KIRREL3: variants seen among roughly 807,000 people sequenced by gnomAD.
KIRREL3 encodes kin of IRRE-like protein 3.
Under a neutral mutation model 89.7 loss-of-function variants are expected in KIRREL3, and 36 were observed. The observed-to-expected ratio is 0.40, with a 90% CI of 0.31 to 0.53. The LOEUF is 0.53. KIRREL3 is among the 20% of genes least tolerant of loss of function. KIRREL3 has a pLI of 0.49. For missense variants in KIRREL3, 864 were observed against 1,056.6 expected (o/e 0.82, Z 2.53); for synonymous variants, 445 against 441.4 (o/e 1.01, Z -0.10).
In KIRREL3 at chr11:126,468,237, C is replaced by G. The variant is rs562666837; in HGVS notation, c.592-4930G>C. ...CTTTCCAGAAGAAAGAATGTGGTCTCCACTCTGGCGCCAGGCCCTCAGAAG... is the reference window on the plus strand; with the variant it reads ...CTTTCCAGAAGAAAGAATGTGGTCTGCACTCTGGCGCCAGGCCCTCAGAAG... On this transcript the variant is annotated intron_variant, in intron 5 of 16. Coordinates refer to ENST00000525144, the MANE Select transcript of KIRREL3 (RefSeq NM_032531.4). Among the ~76,000 whole-genome samples the G allele has an allele frequency of 4.2e-4, 64 of 152,348 alleles. No individual in the cohort carries two copies. The South Asian group carries it at 9.9e-3, about 24-fold the overall frequency.
In KIRREL3 at chr11:126,486,319, G is replaced by GA. The variant is rs1957358212; in HGVS notation, c.434-12854dup. The stretch of plus-strand genomic sequence containing the variant: ...GGGGAGTGCATCAAACTGGAGAGAG[G>GA]AAGGGGTGAGTAGGGCTGGGGCAGG... On this transcript the variant is annotated intron_variant, in intron 4 of 16. Coordinates refer to ENST00000525144, the MANE Select transcript of KIRREL3 (RefSeq NM_032531.4). The surrounding 1 kb of genome is among the most constrained non-coding windows in gnomAD (Gnocchi z 6.2). Among the ~76,000 whole-genome samples, 1 of 152,162 alleles carries GA rather than the reference G, an allele frequency of 6.6e-6. No individual in the cohort carries two copies. The highest frequency in any genetic ancestry group is 1.5e-5 in the Non-Finnish European group (1 of 68,026).
intron 1 of KIRREL3, among the ~76,000 whole-genome samples, chr11:126,716,101 T>G: frequency 4.7e-5 from 7 of 147,534 alleles, no homozygotes; most frequent in African/African-American, 1.0e-4. Context: ...AGAAAGGAGA[T>G]GGAGAGAGTG....
intron 1 of KIRREL3, among the ~76,000 whole-genome samples, chr11:126,762,801 C>T (rs1949705247): frequency 6.6e-6 from 1 of 152,178 alleles, no homozygotes. Context: ...AGCGTAGACT[C>T]ATGTCACAGT....
rs1940900989 is a variant in KIRREL3, at chr11:126,571,163, C to G, written c.56-8251G>C. On this transcript the variant is annotated intron_variant, in intron 1 of 16. Coordinates refer to ENST00000525144, the MANE Select transcript of KIRREL3 (RefSeq NM_032531.4). The surrounding 1 kb of genome is among the most constrained non-coding windows in gnomAD (Gnocchi z 7.7). ...ACTCCCAACCAATTCGGAGTCTCAG[C>G]CCTTTGGGCTGGCTTTTTGATACCT... Among the ~76,000 whole-genome samples, 1 of 152,206 alleles carries G rather than the reference C, an allele frequency of 6.6e-6. No homozygotes were observed. The highest frequency in any genetic ancestry group is 1.5e-5 in the Non-Finnish European group (1 of 68,048).
rs12294793 is a variant in KIRREL3, at chr11:126,584,501, G to A, written c.56-21589C>T. 5.9e-3 allele frequency among the ~76,000 whole-genome samples: 903 copies of A among 152,258 alleles called. 5 individuals are homozygous for A. The highest frequency in any genetic ancestry group is 0.021 in the African/African-American group (860 of 41,542). On this transcript the variant is annotated intron_variant, in intron 1 of 16. Transcript: ENST00000525144. ...AGTCTGAAAACTCATTTTTGTCTAT[G>A]CTCCTCAGTTCAGCCCAGGCATGTG... is the stretch of plus-strand genomic sequence containing the variant.
intron 2 of KIRREL3, among the ~76,000 whole-genome samples, chr11:126,546,237 T>G (rs900264632): frequency 1.3e-5 from 2 of 152,212 alleles, no homozygotes; most frequent in South Asian, 2.1e-4. Flanking sequence ...GAGCTTGGAT[T>G]TAGACCTCAC....
In KIRREL3 at chr11:126,785,701, C is replaced by T. The variant is rs183609695; in HGVS notation, c.55+214754G>A. Among the ~76,000 whole-genome samples, 754 of 152,064 alleles carry T rather than the reference C, an allele frequency of 5.0e-3. 4 individuals are homozygous for T. Among genetic ancestry groups the T allele is most frequent in the Non-Finnish European group, 7.8e-3 (530 of 67,990 alleles). On this transcript the variant is annotated intron_variant, in intron 1 of 16. Transcript: ENST00000525144. ...GACCATCATCCAACATGGTGAAACT[C>T]TGTCTCTACTGAAATACAAAAATTT...
rs1938018770 is a variant in KIRREL3, at chr11:126,537,752, G to A, written c.134-11065C>T. ...GACACGCCTCCCTGGCAAAGCTGCT[G>A]TGAGCATGAGAGGTTTTATATGTAA... On this transcript the variant is annotated intron_variant, in intron 2 of 16. Transcript: ENST00000525144. This position sits in a 1 kb window ranked among gnomAD's most constrained non-coding sequence, Gnocchi z 4.3. 6.6e-6 allele frequency among the ~76,000 whole-genome samples: 1 copy of A among 152,232 alleles called. No homozygotes were observed. Among genetic ancestry groups the A allele is most frequent in the Non-Finnish European group, 1.5e-5 (1 of 68,042 alleles).
chr11:126,901,086 C>T (rs1946351029), intron 1 of KIRREL3, among the ~76,000 whole-genome samples: 2 of 151,990 alleles, frequency 1.3e-5, no homozygotes, highest in Admixed American at 6.6e-5. Context: ...TGGTGGCGCA[C>T]ACCTGTAACC....
chr11:126,827,730 A>G (rs1305395097), intron 1 of KIRREL3, among the ~76,000 whole-genome samples: 2 of 152,218 alleles, frequency 1.3e-5, no homozygotes, highest in African/African-American at 2.4e-5. Flanking sequence ...TAGGTGTGTC[A>G]TTTACTTTGA....
chr11:126,678,297 A>G (rs1946287363), intron 1 of KIRREL3, among the ~76,000 whole-genome samples: 1 of 151,644 alleles, frequency 6.6e-6, no homozygotes, highest in African/African-American at 2.4e-5. Context: ...GTGGAGTTGA[A>G]GGCCGAGATA....
intron 2 of KIRREL3, among the ~76,000 whole-genome samples, chr11:126,543,673 C>T (rs1474809671): frequency 6.6e-6 from 1 of 152,184 alleles, no homozygotes; most frequent in African/African-American, 2.4e-5. Context: ...AGGACAGCCC[C>T]TGCCCTTCCT....
chr11:126,668,591 C>T lies in KIRREL3; in HGVS notation c.56-105679G>A, dbSNP rs1448022415. 3.3e-5 allele frequency among the ~76,000 whole-genome samples: 5 copies of T among 152,118 alleles called. No homozygotes were observed. The highest frequency in any genetic ancestry group is 5.9e-5 in the Non-Finnish European group (4 of 68,026). On this transcript the variant is annotated intron_variant, in intron 1 of 16. Coordinates refer to ENST00000525144, the MANE Select transcript of KIRREL3 (RefSeq NM_032531.4). This position sits in a 1 kb window ranked among gnomAD's most constrained non-coding sequence, Gnocchi z 4.4. Reference sequence around the variant, plus strand: ...TCCTGTTCTTCCTCGTTAGTTTCTTCCCACTTCTCTAGGATGACAGAGAGG... The same window carrying T: ...TCCTGTTCTTCCTCGTTAGTTTCTTTCCACTTCTCTAGGATGACAGAGAGG...
In KIRREL3 at chr11:126,805,006, A is replaced by G. The variant is rs975136947; in HGVS notation, c.55+195449T>C. 3.9e-5 allele frequency among the ~76,000 whole-genome samples: 6 copies of G among 152,160 alleles called. No individual in the cohort carries two copies. The highest frequency in any genetic ancestry group is 1.3e-4 in the Admixed American group (2 of 15,292). On this transcript the variant is annotated intron_variant, in intron 1 of 16. Transcript: ENST00000525144. The surrounding 1 kb of genome is among the most constrained non-coding windows in gnomAD (Gnocchi z 4.3). ...GGGAAAGGGTTATGAGGAGATTAAGATTCAGAAAAGTTGGCTTATCATTTA... is the reference window on the plus strand; with the variant it reads ...GGGAAAGGGTTATGAGGAGATTAAGGTTCAGAAAAGTTGGCTTATCATTTA...
At chr11:126,665,190 A>T (rs1229397465) in intron 1 of KIRREL3, among the ~76,000 whole-genome samples, 1 of 152,232 alleles carries the variant, frequency 6.6e-6, no homozygotes, top group Non-Finnish European at 1.5e-5. Context: ...GAGCCCATTA[A>T]AAAGAAAACC....
intron 1 of KIRREL3, among the ~76,000 whole-genome samples, chr11:126,588,703 T>C (rs1476130896): frequency 3.3e-5 from 5 of 152,252 alleles, no homozygotes; most frequent in Non-Finnish European, 7.3e-5. Context: ...TCTGTTTCCC[T>C]GGTTCAAAGG....
intron 1 of KIRREL3, among the ~76,000 whole-genome samples, chr11:126,792,705 T>C (rs2134363896): frequency 6.6e-6 from 1 of 152,336 alleles, no homozygotes; most frequent in South Asian, 2.1e-4. Flanking sequence ...TTAACAATGG[T>C]TACAAGTAAC....
At chr11:126,586,471 C>T (rs1049185864) in intron 1 of KIRREL3, among the ~76,000 whole-genome samples, 25 of 152,042 alleles carry the variant, frequency 1.6e-4, no homozygotes, top group African/African-American at 5.5e-4. Context: ...TGCCTCTAAG[C>T]ACATACCCCG....
At chr11:126,824,238 C>T (rs1943328988) in intron 1 of KIRREL3, among the ~76,000 whole-genome samples, 1 of 152,186 alleles carries the variant, frequency 6.6e-6, no homozygotes, top group Non-Finnish European at 1.5e-5. Flanking sequence ...GCATTCTCAT[C>T]CGGCAAGCTG....
Sources: gnomAD v4.1 joint callset for allele counts (sites outside exome capture counted in the v4.1 genomes callset) on GRCh38, gnomAD v4.1.1 for gene constraint, Gnocchi (gnomAD v3.1) non-coding constraint, MANE v1.5 for transcripts, NCBI Gene and HGNC (gene_info 2026-07-23, HGNC 2026-07-21) for gene names.